ANKDD1A: variants seen among roughly 807,000 people sequenced by gnomAD.
ANKDD1A encodes ankyrin repeat and death domain-containing protein 1A.
Under a neutral mutation model 63.5 loss-of-function variants are expected in ANKDD1A, and 59 were observed. The ratio of observed to expected loss-of-function variants is 0.93; its 90% CI spans 0.75 to 1.15. ANKDD1A has a LOEUF of 1.15. Ranked by LOEUF, ANKDD1A falls within the 50% of genes most tolerant of loss-of-function variation. ANKDD1A has a pLI of 0.00. For missense variants in ANKDD1A, 632 were observed against 656.4 expected (o/e 0.96, Z 0.41); for synonymous variants, 266 against 263.9 (o/e 1.01, Z -0.08).
rs1195409445 is a variant in ANKDD1A, at chr15:64,917,533, G to GTCTC, written c.267+22_267+23insCTCT. On this transcript the variant is annotated intron_variant, in intron 3 of 14. Transcript: ENST00000319580. ...TCTGTGTGTACGTGTCTGTCTGTCT[G>GTCTC]TCTGTCTCAGGGTGGTGGGGGGCAC... 1 of 1,553,402 alleles carries GTCTC rather than the reference G, an allele frequency of 6.4e-7. No individual in the cohort carries two copies. Among genetic ancestry groups the GTCTC allele is most frequent in the Admixed American group, 2.0e-5 (1 of 51,148 alleles).
At chr15:64,954,518 TCTTCTC>T (rs2140393548) in intron 14 of ANKDD1A, among the ~76,000 whole-genome samples, 1 of 77,082 alleles carries the variant, frequency 1.3e-5, no homozygotes, top group African/African-American at 4.3e-5. Context: ...TTCTCCTCTT[TCTTCTC>T]CTTCTTCCTC....
chr15:64,915,369 G>A (rs752679375), intron 1 of ANKDD1A, among the ~76,000 whole-genome samples: 9 of 152,180 alleles, frequency 5.9e-5, no homozygotes, highest in South Asian at 4.1e-4. Context: ...CTCACCCGGC[G>A]CTGGCACGCA....
At chr15:64,927,203 G>A (rs1368270479) in intron 6 of ANKDD1A, among the ~76,000 whole-genome samples, 1 of 152,240 alleles carries the variant, frequency 6.6e-6, no homozygotes, top group African/African-American at 2.4e-5. Context: ...CAGGTTGGTG[G>A]CATAAAGATG....
intron 4 of ANKDD1A, among the ~76,000 whole-genome samples, chr15:64,924,250 T>G (rs1210156952): frequency 6.6e-6 from 1 of 152,194 alleles, no homozygotes; most frequent in African/African-American, 2.4e-5. Flanking sequence ...AGCCTAGACT[T>G]CCTTATGTGT....
chr15:64,943,252 G>T, intron 10 of ANKDD1A: 1 of 493,744 alleles, frequency 2.0e-6, no homozygotes. Flanking sequence ...ATCAAAAATG[G>T]CGTTTATCAG....
chr15:64,932,276 C>G (rs1010842693), intron 8 of ANKDD1A: 2 of 152,178 alleles, frequency 1.3e-5, no homozygotes, highest in African/African-American at 4.8e-5. Context: ...AAAATTCCAC[C>G]CATTTTGCAG....
intron 9 of ANKDD1A, among the ~76,000 whole-genome samples, chr15:64,939,281 A>G (rs1488023401): frequency 2.6e-5 from 4 of 152,178 alleles, no homozygotes; most frequent in Non-Finnish European, 1.5e-5. Flanking sequence ...CCTGGGTGAC[A>G]GAGCAAGATC....
At chr15:64,953,552 C>CTT (rs2085346466) in intron 14 of ANKDD1A, among the ~76,000 whole-genome samples, 1 of 98,612 alleles carries the variant, frequency 1.0e-5, no homozygotes, top group African/African-American at 3.5e-5. Context: ...CTTCCTTCTC[C>CTT]TTCTTTCTTC....
intron 14 of ANKDD1A, among the ~76,000 whole-genome samples, chr15:64,953,882 T>C (rs1303695504): frequency 0.011 from 1,331 of 121,078 alleles, 27 homozygotes; most frequent in African/African-American, 0.035. Context: ...CTTCATTCTT[T>C]CTTCTTCCTC....
At chr15:64,942,320 G>A (rs2085190445) in intron 9 of ANKDD1A, 147 bp from the exon 10 acceptor site, 1 of 529,466 alleles carries the variant, frequency 1.9e-6, no homozygotes, top group Non-Finnish European at 3.3e-6. Context: ...GACCATAATT[G>A]CCTAAGGCCA....
intron 3 of ANKDD1A, among the ~76,000 whole-genome samples, 167 bp downstream of exon 3, chr15:64,917,681 A>C (rs2056497): frequency 0.82 from 125,456 of 152,134 alleles, 51,893 homozygotes; most frequent in East Asian, 0.98. Flanking sequence ...ATTCTGTTTT[A>C]CTCCTGTACA....
intron 3 of ANKDD1A, 57 bp downstream of exon 3, chr15:64,917,571 TG>T: frequency 6.6e-7 from 1 of 1,523,502 alleles, no homozygotes; most frequent in Non-Finnish European, 8.9e-7. Flanking sequence ...GAGATCTCTC[TG>T]GGTCTATGAG....
Position 64,931,470 on chromosome 15 carries a change from C to T in ANKDD1A, c.670-17C>T. The T allele has an allele frequency of 1.2e-6, 2 of 1,611,146 alleles. No individual in the cohort carries two copies. The highest frequency in any genetic ancestry group is 1.7e-6 in the Non-Finnish European group (2 of 1,178,576). Reference sequence around the variant, plus strand: ...GGGCCTCCCCACCATCCTCATTGCTCTTCTTGTGTGTTGCAGGAAGGTCTG... The same window carrying T: ...GGGCCTCCCCACCATCCTCATTGCTTTTCTTGTGTGTTGCAGGAAGGTCTG... On this transcript the variant is annotated splice_polypyrimidine_tract_variant and intron_variant, in intron 7 of 14. Transcript: ENST00000319580.
At chr15:64,951,708 TTTC>T (rs2085283843) in intron 14 of ANKDD1A, among the ~76,000 whole-genome samples, 1 of 126,446 alleles carries the variant, frequency 7.9e-6, no homozygotes, top group African/African-American at 3.4e-5. Context: ...TCTTCCTTAT[TTTC>T]TTTTTCTTCC....
intron 4 of ANKDD1A, among the ~76,000 whole-genome samples, chr15:64,925,223 G>A (rs570698609): frequency 4.8e-3 from 479 of 98,964 alleles, no homozygotes; most frequent in Non-Finnish European, 7.4e-3. Flanking sequence ...GTGAGACTCC[G>A]ACTCAAAAAA....
intron 14 of ANKDD1A, among the ~76,000 whole-genome samples, chr15:64,956,775 ACTC>A (rs1460055416): frequency 6.6e-6 from 1 of 151,860 alleles, no homozygotes; most frequent in African/African-American, 2.4e-5. Context: ...CTGGTCTTGA[ACTC>A]CTGACCTAAG....
chr15:64,950,017 C>T (rs1361214318), intron 14 of ANKDD1A, 45 bp downstream of exon 14: 3 of 1,595,924 alleles, frequency 1.9e-6, no homozygotes, highest in South Asian at 2.2e-5. Flanking sequence ...GCTGGGTGGC[C>T]CCCACTGGAA....
chr15:64,954,047 T>G (rs2085371676), intron 14 of ANKDD1A, among the ~76,000 whole-genome samples: 1 of 70,362 alleles, frequency 1.4e-5, no homozygotes, highest in African/African-American at 4.6e-5. Context: ...TTCCTCTTCT[T>G]CTTTTCTCCT....
intron 6 of ANKDD1A, among the ~76,000 whole-genome samples, chr15:64,927,648 A>C (rs1412556788): frequency 7.5e-6 from 1 of 133,308 alleles, no homozygotes; most frequent in Non-Finnish European, 1.5e-5. Flanking sequence ...TCTGTCGTCC[A>C]GGCTGGAGTG....
Sources: allele counts gnomAD v4.1 joint callset (sites outside exome capture counted in the v4.1 genomes callset), GRCh38; gene constraint gnomAD v4.1.1; transcripts MANE v1.5; gene names NCBI Gene and HGNC (gene_info 2026-07-23, HGNC 2026-07-21).